Variants in UGGT2 observed in about 807,000 individuals in gnomAD.
UGGT2 encodes UDP-glucose glycoprotein glucosyltransferase 2.
UGGT2 carries 180 observed loss-of-function variants against 192.1 expected under a neutral mutation model. That is an observed-to-expected ratio of 0.94 (90% CI 0.83 to 1.06). UGGT2 has a LOEUF of 1.06. Ranked by LOEUF, UGGT2 falls within the 50% of genes least tolerant of loss-of-function variation. UGGT2 has a pLI of 0.00. For missense variants in UGGT2, 1,849 were observed against 1,795.7 expected (o/e 1.03, Z -0.54); for synonymous variants, 580 against 591.0 (o/e 0.98, Z 0.27).
chr13:95,903,619 T>C (rs957649464), intron 20 of UGGT2, among the ~76,000 whole-genome samples: 6 of 149,768 alleles, frequency 4.0e-5, no homozygotes, highest in Admixed American at 4.0e-4. Context: ...CACTCAATAA[T>C]GTGAGATTTA....
At chr13:96,033,512 C>T (rs533904797) in intron 1 of UGGT2, among the ~76,000 whole-genome samples, 7 of 152,216 alleles carry the variant, frequency 4.6e-5, no homozygotes, top group African/African-American at 1.4e-4. Flanking sequence ...GGGAGCCCTG[C>T]ACTCCCTGGG....
At chr13:96,041,497 A>G (rs1333375493) in intron 1 of UGGT2, among the ~76,000 whole-genome samples, 1 of 152,216 alleles carries the variant, frequency 6.6e-6, no homozygotes, top group African/African-American at 2.4e-5. Flanking sequence ...TCTCCTGGCC[A>G]GAACTTGGGA....
At chr13:95,814,517 ACATC>A (rs1884727143) in intron 38 of UGGT2, among the ~76,000 whole-genome samples, 1 of 152,202 alleles carries the variant, frequency 6.6e-6, no homozygotes, top group Admixed American at 6.5e-5. Flanking sequence ...TCCAATGCTT[ACATC>A]TCCTTTGTAT....
At chr13:95,900,976 A>T in intron 21 of UGGT2, 38 bp from the exon 22 acceptor site, 1 of 1,392,882 alleles carries the variant, frequency 7.2e-7, no homozygotes. Context: ...CTAATATGAG[A>T]ACAGTAAATA....
chr13:96,053,306 G>A lies in UGGT2; in HGVS notation c.7C>T (p.Pro3Ser). The A allele has an allele frequency of 1.3e-6, 2 of 1,580,198 alleles. No homozygotes were observed. The highest frequency in any genetic ancestry group is 1.7e-6 in the Non-Finnish European group (2 of 1,172,404). The stretch of plus-strand genomic sequence containing the variant: ...CGCACCACGTTCGTGGCTTTCGCTG[G>A]CGCCATGGCACGGAGAGAAAAGCGC... MA[P>S]AKATNVVRLL... The change falls in exon 1 of 39, where the codon CCA becomes TCA. Residue 3 changes from proline to serine, a missense_variant. Pro to Ser is a moderately conservative substitution (Grantham distance 74, BLOSUM62 -1). Transcript: ENST00000376747.
At chr13:95,952,434 T>C (rs1159711929) in intron 12 of UGGT2, among the ~76,000 whole-genome samples, 1 of 152,192 alleles carries the variant, frequency 6.6e-6, no homozygotes, top group Non-Finnish European at 1.5e-5. Flanking sequence ...AGTATTTGCA[T>C]AGAACCTACT....
chr13:95,982,431 A>G (rs2051156230), intron 10 of UGGT2, among the ~76,000 whole-genome samples: 1 of 152,194 alleles, frequency 6.6e-6, no homozygotes, highest in African/African-American at 2.4e-5. Flanking sequence ...ATGTACAGTA[A>G]GAAGCAGATA....
At chr13:95,879,956 T>C (rs929137431) in intron 27 of UGGT2, among the ~76,000 whole-genome samples, 2 of 152,170 alleles carry the variant, frequency 1.3e-5, no homozygotes, top group Non-Finnish European at 2.9e-5. Flanking sequence ...GTTTGTTACA[T>C]AGGTACACAC....
chr13:95,940,896 C>G (rs1409456520), intron 15 of UGGT2, among the ~76,000 whole-genome samples: 1 of 152,086 alleles, frequency 6.6e-6, no homozygotes, highest in East Asian at 1.9e-4. Flanking sequence ...CCAGGCCTTA[C>G]TAGTAAGTAT....
intron 15 of UGGT2, among the ~76,000 whole-genome samples, chr13:95,946,475 C>A (rs1196525777): frequency 2.6e-5 from 4 of 152,136 alleles, no homozygotes; most frequent in Non-Finnish European, 5.9e-5. Flanking sequence ...CCCAAATGAT[C>A]CTCCCACATC....
At chr13:95,855,278 C>A (rs1889481066) in intron 34 of UGGT2, among the ~76,000 whole-genome samples, 1 of 151,750 alleles carries the variant, frequency 6.6e-6, no homozygotes, top group Non-Finnish European at 1.5e-5. Flanking sequence ...AGAGTGAGAC[C>A]CTGTCTCTTA....
chr13:95,852,276 T>A (rs1237112869), intron 36 of UGGT2, among the ~76,000 whole-genome samples: 1 of 152,158 alleles, frequency 6.6e-6, no homozygotes, highest in Non-Finnish European at 1.5e-5. Context: ...TTTCTTGCTA[T>A]TCCTCAAACA....
intron 4 of UGGT2, among the ~76,000 whole-genome samples, chr13:96,016,266 G>A (rs1388288875): frequency 6.6e-6 from 1 of 152,170 alleles, no homozygotes; most frequent in Non-Finnish European, 1.5e-5. Flanking sequence ...AATCTAAGTG[G>A]GCTATTGGGC....
chr13:96,043,453 T>G (rs1192233252), intron 1 of UGGT2, among the ~76,000 whole-genome samples: 1 of 151,626 alleles, frequency 6.6e-6, no homozygotes, highest in Non-Finnish European at 1.5e-5. Flanking sequence ...AAAACAAAAA[T>G]ACAATTAAAA....
At chr13:95,871,428 C>T (rs747707571) in intron 29 of UGGT2, among the ~76,000 whole-genome samples, 2 of 152,100 alleles carry the variant, frequency 1.3e-5, no homozygotes, top group Admixed American at 6.5e-5. Flanking sequence ...ACCACTACAC[C>T]CTGTGAGGAC....
intron 32 of UGGT2, among the ~76,000 whole-genome samples, 198 bp downstream of exon 32, chr13:95,860,590 C>G (rs563132755): frequency 6.7e-6 from 1 of 148,612 alleles, no homozygotes; most frequent in Non-Finnish European, 1.5e-5. Context: ...TATATATTTA[C>G]GTGTGTGTGT....
In UGGT2 at chr13:95,919,887, G is replaced by A. The variant is rs113894116; in HGVS notation, c.2295+5793C>T. 2.2e-3 allele frequency among the ~76,000 whole-genome samples: 338 copies of A among 152,166 alleles called. 1 individual carries two copies. Among genetic ancestry groups the A allele is most frequent in the African/African-American group, 6.9e-3 (286 of 41,526 alleles). On this transcript the variant is annotated intron_variant, in intron 20 of 38. Transcript: ENST00000376747. ...TTCATATGGAACCAAAAAAGAGCCC[G>A]AATAGTCAAGCCAATCCTAAGAAAA... is the stretch of plus-strand genomic sequence containing the variant.
chr13:95,826,798 C>G (rs1341204590), intron 38 of UGGT2, among the ~76,000 whole-genome samples: 3 of 131,038 alleles, frequency 2.3e-5, no homozygotes, highest in Admixed American at 1.5e-4. Context: ...CTGACCATCC[C>G]ACACAGCCCC....
chr13:95,902,359 TA>T (rs1450221411), intron 21 of UGGT2, among the ~76,000 whole-genome samples: 1 of 152,166 alleles, frequency 6.6e-6, no homozygotes, highest in Non-Finnish European at 1.5e-5. Flanking sequence ...AAACCACTTA[TA>T]AATATTTTGT....
Sources: allele counts gnomAD v4.1 joint callset (sites outside exome capture counted in the v4.1 genomes callset), GRCh38; gene constraint gnomAD v4.1.1; transcripts MANE v1.5; gene names NCBI Gene and HGNC (gene_info 2026-07-23, HGNC 2026-07-21).